PIBF1: variants seen among roughly 807,000 people sequenced by gnomAD.
PIBF1 encodes progesterone immunomodulatory binding factor 1.
In PIBF1, 90 loss-of-function variants were observed where a neutral mutation model predicts 112.5. The observed-to-expected ratio is 0.80, with a 90% confidence interval of 0.67 to 0.95. The LOEUF is 0.95. PIBF1 is among the 40% of genes least tolerant of loss of function. The pLI, the probability that PIBF1 is intolerant of heterozygous loss-of-function variation, is 0.00. For synonymous variants in PIBF1, 301 were observed against 288.6 expected (o/e 1.04, Z -0.44); for missense variants, 915 against 852.3 (o/e 1.07, Z -0.92).
At chr13:72,818,581 T>C (rs891930637) in intron 5 of PIBF1, among the ~76,000 whole-genome samples, 1 of 152,104 alleles carries the variant, frequency 6.6e-6, no homozygotes, top group Non-Finnish European at 1.5e-5. Context: ...GCTTTCAACT[T>C]GTCTTTAACA....
chr13:72,902,287 C>T (rs972740969), intron 11 of PIBF1, among the ~76,000 whole-genome samples: 3 of 148,318 alleles, frequency 2.0e-5, no homozygotes, highest in Non-Finnish European at 4.6e-5. Context: ...GCAGTGTATA[C>T]TGCCCCGGTT....
chr13:72,937,862 G>T (rs888687454), intron 14 of PIBF1, among the ~76,000 whole-genome samples: 2 of 152,060 alleles, frequency 1.3e-5, no homozygotes, highest in African/African-American at 2.4e-5. Context: ...CTTATAAAGA[G>T]ATATAATAAT....
intron 5 of PIBF1, among the ~76,000 whole-genome samples, chr13:72,818,709 C>T (rs1380643865): frequency 9.2e-5 from 7 of 76,154 alleles, no homozygotes; most frequent in African/African-American, 3.2e-4. Flanking sequence ...TTGCCAGTAT[C>T]ATCTAATTCC....
At chr13:72,849,652 T>C (rs1276647089) in intron 9 of PIBF1, among the ~76,000 whole-genome samples, 1 of 152,190 alleles carries the variant, frequency 6.6e-6, no homozygotes, top group Non-Finnish European at 1.5e-5. Flanking sequence ...CATCTATTGG[T>C]GCCTTGAGGT....
intron 10 of PIBF1, among the ~76,000 whole-genome samples, chr13:72,876,514 C>G (rs193004447): frequency 1.4e-4 from 21 of 152,234 alleles, no homozygotes; most frequent in Admixed American, 1.2e-3. Context: ...ATCTATAAAT[C>G]AATCTTGCAA....
chr13:72,817,487 T>C (rs2036330586), intron 5 of PIBF1, among the ~76,000 whole-genome samples: 1 of 152,218 alleles, frequency 6.6e-6, no homozygotes, highest in Non-Finnish European at 1.5e-5. Context: ...TGTCCTCTTT[T>C]GTTCCTCCTC....
intron 9 of PIBF1, among the ~76,000 whole-genome samples, chr13:72,836,482 T>C (rs1195647314): frequency 6.6e-6 from 1 of 152,208 alleles, no homozygotes; most frequent in African/African-American, 2.4e-5. Flanking sequence ...AAAGCTGCTG[T>C]ATTATAGTTG....
At chr13:72,917,318 C>G (rs942666609) in intron 13 of PIBF1, 152 bp downstream of exon 13, 5 of 407,000 alleles carry the variant, frequency 1.2e-5, no homozygotes, top group African/African-American at 1.0e-4. Flanking sequence ...CACTAATAAT[C>G]ATGTATTTCA....
intron 13 of PIBF1, among the ~76,000 whole-genome samples, chr13:72,920,200 G>C (rs1278126527): frequency 6.6e-6 from 1 of 152,158 alleles, no homozygotes; most frequent in Admixed American, 6.5e-5. Context: ...ATATTCTAAA[G>C]ATTCTATCAC....
intron 10 of PIBF1, among the ~76,000 whole-genome samples, chr13:72,882,593 A>T (rs773010828): frequency 2.0e-5 from 3 of 152,250 alleles, no homozygotes; most frequent in Non-Finnish European, 4.4e-5. Flanking sequence ...TCAGTAGGAA[A>T]AAAATCTAAT....
At chr13:73,007,358 G>T (rs1037725264) in intron 17 of PIBF1, among the ~76,000 whole-genome samples, 2 of 150,084 alleles carry the variant, frequency 1.3e-5, no homozygotes, top group African/African-American at 4.9e-5. Context: ...GTGCAGTGGC[G>T]CAATCTTGGC....
At chr13:72,937,607 G>T (rs2041904721) in intron 14 of PIBF1, among the ~76,000 whole-genome samples, 1 of 152,254 alleles carries the variant, frequency 6.6e-6, no homozygotes, top group Middle Eastern at 3.4e-3. Flanking sequence ...ATCACCTGAG[G>T]TCAGTAGTTT....
In PIBF1 at chr13:72,897,268, A is replaced by G. The variant is rs528698823; in HGVS notation, c.1488+3319A>G. 7.2e-5 allele frequency among the ~76,000 whole-genome samples: 11 copies of G among 152,344 alleles called. No individual in the cohort carries two copies. The East Asian group carries it at 2.1e-3, about 29-fold the overall frequency. ...ATACATGCTGAGAGAATTCACCATT[A>G]CCAAGCCACCACTATAAGAACAGCT... On this transcript the variant is annotated intron_variant, in intron 11 of 17. Transcript: ENST00000326291.
At chr13:72,901,034 C>G (rs947421394) in intron 11 of PIBF1, 1 of 430,610 alleles carries the variant, frequency 2.3e-6, no homozygotes, top group African/African-American at 2.1e-5. Flanking sequence ...AAACAAAAAG[C>G]AAAAAACAAA....
At chr13:72,865,645 G>A (rs912371273) in intron 10 of PIBF1, among the ~76,000 whole-genome samples, 2 of 152,050 alleles carry the variant, frequency 1.3e-5, no homozygotes, top group Non-Finnish European at 2.9e-5. Flanking sequence ...CATTCATTTT[G>A]CAAATGAGGA....
At chr13:72,944,702 G>A (rs957202198) in intron 14 of PIBF1, among the ~76,000 whole-genome samples, 6 of 151,996 alleles carry the variant, frequency 3.9e-5, no homozygotes, top group Non-Finnish European at 5.9e-5. Context: ...GAATGTTCTT[G>A]TTTTTTAATT....
At chr13:72,895,300 T>C (rs1242024079) in intron 11 of PIBF1, among the ~76,000 whole-genome samples, 1 of 149,780 alleles carries the variant, frequency 6.7e-6, no homozygotes, top group Non-Finnish European at 1.5e-5. Context: ...AATTTTTAAA[T>C]TTATATTTAA....
At chr13:73,000,365 C>T (rs555962641) in intron 17 of PIBF1, among the ~76,000 whole-genome samples, 1 of 152,312 alleles carries the variant, frequency 6.6e-6, no homozygotes, top group South Asian at 2.1e-4. Context: ...ATCTAATTGG[C>T]ATAGCTAATT....
chr13:72,867,815 G>A (rs892924614), intron 10 of PIBF1, among the ~76,000 whole-genome samples: 17 of 152,232 alleles, frequency 1.1e-4, no homozygotes, highest in Middle Eastern at 3.4e-3. Flanking sequence ...TAGTTTATGC[G>A]TCTTCAAATA....
Sources: allele counts gnomAD v4.1 joint callset (sites outside exome capture counted in the v4.1 genomes callset), GRCh38; gene constraint gnomAD v4.1.1; transcripts MANE v1.5; gene names NCBI Gene and HGNC (gene_info 2026-07-23, HGNC 2026-07-21).